The following ARNT2 variants were observed in gnomAD, a reference collection of about 807,000 sequenced individuals.
ARNT2 encodes ARNT protein 2.
A neutral mutation model predicts 91.7 loss-of-function variants in ARNT2; 36 were observed. That is an observed-to-expected ratio of 0.39 (90% confidence interval 0.30 to 0.52). The LOEUF is 0.52. Ranked by LOEUF, ARNT2 falls within the 20% of genes least tolerant of loss-of-function variation. The pLI is 0.72. For missense variants in ARNT2, 775 were observed against 939.3 expected, an observed-to-expected ratio of 0.83 and a Z score of 2.29; for synonymous variants, 365 against 347.1, an observed-to-expected ratio of 1.05 and a Z score of -0.57.
intron 5 of ARNT2, among the ~76,000 whole-genome samples, chr15:80,500,812 A>G (rs765668285): frequency 3.7e-4 from 57 of 152,256 alleles, no homozygotes; most frequent in South Asian, 8.3e-4. Context: ...AAGTAGCCAT[A>G]GGCAATAAAT....
Position 80,450,894 on chromosome 15 carries a change from A to G in ARNT2, c.46A>G (p.Ile16Val). The G allele has an allele frequency of 6.2e-7, 1 of 1,614,220 alleles. No individual in the cohort carries two copies. The change falls in exon 2 of 19, where the codon ATA (isoleucine) becomes GTA (valine). Residue 16 changes from isoleucine (I) to valine (V), a missense_variant. Transcript: ENST00000303329. The part of the protein sequence containing the change: ...AVNPPEMASD[I>V]PGSVTLPVAP... ...CTGAATTCCAGAAATGGCTTCAGAC[A>G]TACCTGGATCTGTGACGTTGCCCGT...
Position 80,596,885 on chromosome 15 carries a change from A to G in ARNT2, c.*3187A>G. The G allele has an allele frequency of 3.0e-6, 1 of 333,870 alleles. No individual in the cohort carries two copies. Among genetic ancestry groups the G allele is most frequent in the Non-Finnish European group, 5.9e-6 (1 of 168,724 alleles). The allele number at this position is 333,870 out of a possible 1,614,324, so 20.7% of individuals were successfully genotyped here. On this transcript the variant is annotated 3_prime_UTR_variant, in exon 19 of 19. Transcript: ENST00000303329. The stretch of plus-strand genomic sequence containing the variant: ...GTCAGTGATGGCAACAGGATGGCCA[A>G]GGATGGCTCTAGAACACTCTGTCCA...
At chr15:80,430,382 G>A (rs1334302872) in intron 1 of ARNT2, among the ~76,000 whole-genome samples, 1 of 152,194 alleles carries the variant, frequency 6.6e-6, no homozygotes, top group African/African-American at 2.4e-5. Flanking sequence ...AAAACAGGAA[G>A]ATCATCTATG....
chr15:80,527,630 G>A (rs1239277824), intron 8 of ARNT2, among the ~76,000 whole-genome samples: 3 of 152,170 alleles, frequency 2.0e-5, no homozygotes, highest in African/African-American at 7.2e-5. Context: ...TCCATGCATT[G>A]TGCTATTTTA....
chr15:80,539,611 T>C (rs1475816984), intron 8 of ARNT2, among the ~76,000 whole-genome samples: 1 of 152,074 alleles, frequency 6.6e-6, no homozygotes, highest in Non-Finnish European at 1.5e-5. Context: ...AAATAAAATA[T>C]AATTACTTAA....
chr15:80,515,046 A>G (rs893276544), intron 8 of ARNT2, among the ~76,000 whole-genome samples: 5 of 152,222 alleles, frequency 3.3e-5, no homozygotes, highest in Non-Finnish European at 5.9e-5. Flanking sequence ...CATTACAGAA[A>G]TGCAAATAAA....
At chr15:80,478,441 G>C (rs1423277576) in intron 5 of ARNT2, among the ~76,000 whole-genome samples, 1 of 152,238 alleles carries the variant, frequency 6.6e-6, no homozygotes, top group East Asian at 1.9e-4. Flanking sequence ...AATGTCCTCG[G>C]AGTGGACACT....
At chr15:80,455,929 A>C (rs993494564) in intron 2 of ARNT2, among the ~76,000 whole-genome samples, 1 of 152,188 alleles carries the variant, frequency 6.6e-6, no homozygotes, top group Non-Finnish European at 1.5e-5. Context: ...GACAGCACGC[A>C]CGGGGTGTTA....
intron 1 of ARNT2, chr15:80,436,175 G>A (rs1010679163): frequency 2.0e-5 from 3 of 152,462 alleles, no homozygotes; most frequent in African/African-American, 7.2e-5. Context: ...ATCTTACGAG[G>A]TCTGGACTCT....
intron 5 of ARNT2, among the ~76,000 whole-genome samples, chr15:80,505,924 G>GTTTTTTTTTT (rs1486880107): frequency 4.1e-4 from 29 of 71,150 alleles, no homozygotes; most frequent in African/African-American, 1.1e-3. Context: ...CCCAACATTT[G>GTTTTTTTTTT]TTGTTTTTTT....
chr15:80,510,440 T>C, intron 6 of ARNT2, among the ~76,000 whole-genome samples: 1 of 151,840 alleles, frequency 6.6e-6, no homozygotes, highest in South Asian at 2.1e-4. Context: ...AACAATCATA[T>C]ATAAAAAAAA....
chr15:80,584,952 A>G (rs1898867437), intron 17 of ARNT2, among the ~76,000 whole-genome samples: 1 of 152,134 alleles, frequency 6.6e-6, no homozygotes, highest in Non-Finnish European at 1.5e-5. Flanking sequence ...CAAGCATAGC[A>G]TGTCACTTTT....
At chr15:80,518,925 T>C (rs1459280842) in intron 8 of ARNT2, among the ~76,000 whole-genome samples, 1 of 151,866 alleles carries the variant, frequency 6.6e-6, no homozygotes, top group Non-Finnish European at 1.5e-5. Context: ...CTACCAGAGA[T>C]TGGGGGGGTG....
chr15:80,575,284 C>A (rs1898654504), intron 14 of ARNT2, among the ~76,000 whole-genome samples, 174 bp downstream of exon 14: 1 of 152,130 alleles, frequency 6.6e-6, no homozygotes, highest in Non-Finnish European at 1.5e-5. Context: ...CCTGGCCTTG[C>A]CTCTGTATAC....
At chr15:80,536,382 T>G (rs529025619) in intron 8 of ARNT2, among the ~76,000 whole-genome samples, 1 of 152,292 alleles carries the variant, frequency 6.6e-6, no homozygotes, top group Non-Finnish European at 1.5e-5. Flanking sequence ...CCTAATCTTT[T>G]ATTATGCAAA....
At chr15:80,436,176 T>C (rs560973413) in intron 1 of ARNT2, 1 of 152,532 alleles carries the variant, frequency 6.6e-6, no homozygotes, top group South Asian at 2.1e-4. Flanking sequence ...TCTTACGAGG[T>C]CTGGACTCTG....
At chr15:80,458,873 G>A (rs572846665) in intron 3 of ARNT2, among the ~76,000 whole-genome samples, 6 of 152,236 alleles carry the variant, frequency 3.9e-5, no homozygotes, top group African/African-American at 1.4e-4. Context: ...CTTGCCATGG[G>A]TGACGGTTGC....
intron 2 of ARNT2, among the ~76,000 whole-genome samples, chr15:80,454,177 A>C (rs1896447298): frequency 1.3e-5 from 2 of 152,200 alleles, no homozygotes; most frequent in South Asian, 4.1e-4. Context: ...GCGTGGGAGA[A>C]ATGAGCTGAA....
chr15:80,459,845 T>G (rs894421574), intron 3 of ARNT2, among the ~76,000 whole-genome samples: 3 of 152,198 alleles, frequency 2.0e-5, no homozygotes, highest in African/African-American at 7.2e-5. Context: ...GGAATGAGTT[T>G]GTAGGACCGC....
Sources: allele counts gnomAD v4.1 joint callset (sites outside exome capture counted in the v4.1 genomes callset), GRCh38; gene constraint gnomAD v4.1.1; transcripts MANE v1.5; gene names NCBI Gene and HGNC (gene_info 2026-07-23, HGNC 2026-07-21).